The following CNIH3 variants were observed in gnomAD, a reference collection of about 807,000 sequenced individuals.
CNIH3 encodes protein cornichon homolog 3.
Under a neutral mutation model 24.1 loss-of-function variants are expected in CNIH3, and 14 were observed. The ratio of observed to expected loss-of-function variants is 0.58; its 90% CI spans 0.38 to 0.91. The LOEUF is 0.91. Ranked by LOEUF, CNIH3 falls within the 40% of genes least tolerant of loss-of-function variation. The pLI is 0.00. For missense variants in CNIH3, 178 were observed against 196.8 expected (o/e 0.90, Z 0.57); for synonymous variants, 68 against 73.8 (o/e 0.92, Z 0.40).
At chr1:224,672,632 T>C (rs1353957018) in intron 1 of CNIH3, among the ~76,000 whole-genome samples, 2 of 152,192 alleles carry the variant, frequency 1.3e-5, no homozygotes, top group African/African-American at 4.8e-5. Flanking sequence ...CACATGGCCT[T>C]CACTGTGTGG....
intron 1 of CNIH3, among the ~76,000 whole-genome samples, chr1:224,475,000 G>A (rs1232179334): frequency 2.7e-5 from 4 of 147,988 alleles, no homozygotes; most frequent in Non-Finnish European, 5.9e-5. Context: ...AGTCGAGATC[G>A]TGCCACTGCA....
chr1:224,543,808 T>C (rs186050834), intron 2 of CNIH3, among the ~76,000 whole-genome samples: 62 of 152,260 alleles, frequency 4.1e-4, no homozygotes, highest in Non-Finnish European at 7.9e-4. Flanking sequence ...TCCATTTCAG[T>C]GCTTTGCACT....
At chr1:224,626,346 ACT>A (rs1472283266) in intron 1 of CNIH3, among the ~76,000 whole-genome samples, 7 of 152,044 alleles carry the variant, frequency 4.6e-5, no homozygotes, top group Non-Finnish European at 1.0e-4. Context: ...GTCACTGAAA[ACT>A]CTAAATGCAC....
chr1:224,737,017 C>T (rs1689625415), intron 5 of CNIH3, among the ~76,000 whole-genome samples: 1 of 152,194 alleles, frequency 6.6e-6, no homozygotes, highest in African/African-American at 2.4e-5. Context: ...ACTGTCTCTC[C>T]TCTAAGCCAA....
At chr1:224,544,098 GC>G (rs1679612195) in intron 2 of CNIH3, among the ~76,000 whole-genome samples, 1 of 152,130 alleles carries the variant, frequency 6.6e-6, no homozygotes, top group African/African-American at 2.4e-5. Context: ...TGTTATCAAA[GC>G]TTTTTGGCTC....
chr1:224,475,264 G>A (rs1268373356), intron 1 of CNIH3, among the ~76,000 whole-genome samples: 10 of 150,784 alleles, frequency 6.6e-5, no homozygotes, highest in Admixed American at 6.0e-4. Flanking sequence ...GCTGAGGCAG[G>A]AGAAGGGCAT....
At chr1:224,563,638 G>T (rs1340217529) in intron 3 of CNIH3, among the ~76,000 whole-genome samples, 2 of 152,172 alleles carry the variant, frequency 1.3e-5, no homozygotes, top group African/African-American at 4.8e-5. Context: ...CTGTCAGCTA[G>T]CCAGTATTAA....
At chr1:224,533,008 T>C (rs1679134068) in intron 2 of CNIH3, among the ~76,000 whole-genome samples, 1 of 152,168 alleles carries the variant, frequency 6.6e-6, no homozygotes, top group South Asian at 2.1e-4. Flanking sequence ...ATTTATGTAA[T>C]AAATATTATG....
intron 1 of CNIH3, among the ~76,000 whole-genome samples, chr1:224,463,235 G>T (rs1292211522): frequency 1.3e-5 from 2 of 152,132 alleles, no homozygotes; most frequent in Admixed American, 1.3e-4. Context: ...GTTTTACAAA[G>T]TGCTTGTACT....
intron 1 of CNIH3, among the ~76,000 whole-genome samples, chr1:224,625,392 A>G (rs1683470336): frequency 6.6e-6 from 1 of 151,930 alleles, no homozygotes; most frequent in Non-Finnish European, 1.5e-5. Flanking sequence ...TCCTAAAAAT[A>G]AAATAAAAAA....
chr1:224,456,933 C>T (rs1334290855), intron 1 of CNIH3, among the ~76,000 whole-genome samples: 1 of 152,198 alleles, frequency 6.6e-6, no homozygotes, highest in Admixed American at 6.5e-5. Flanking sequence ...TATGTTGGCT[C>T]TACAAGAGCT....
rs1201794354 is a variant in CNIH3 at position 224,437,913 on chromosome 1, C to CT, written n.203+3052dup. Among the ~76,000 whole-genome samples the CT allele has an allele frequency of 3.6e-4, 23 of 63,758 alleles. No homozygotes were observed. In the South Asian group the frequency reaches 0.015, roughly 42 times the overall value. 41.8% of individuals were successfully genotyped at this position (63,758 alleles called of 152,430 possible). ...AAATCACTAGTACTGCCCACGGCAACTATTTTTTTTTTTTTTGGAGACAGA... is the reference window on the plus strand; with the variant it reads ...AAATCACTAGTACTGCCCACGGCAACTTATTTTTTTTTTTTTTGGAGACAGA... On this transcript the variant is annotated intron_variant and non_coding_transcript_variant, in intron 1 of 5. Coordinates refer to the CNIH3 transcript ENST00000471578.
chr1:224,674,567 C>T (rs1384509975), intron 1 of CNIH3, among the ~76,000 whole-genome samples: 13 of 152,084 alleles, frequency 8.5e-5, no homozygotes, highest in East Asian at 5.8e-4. Context: ...GGTGAGGCTC[C>T]GCGCAGTGAG....
At chr1:224,658,780 T>C (rs886922252) in intron 1 of CNIH3, among the ~76,000 whole-genome samples, 3 of 152,018 alleles carry the variant, frequency 2.0e-5, no homozygotes, top group Non-Finnish European at 2.9e-5. Flanking sequence ...TTATCTCTTA[T>C]TAATATTACA....
chr1:224,676,873 TG>T (rs1394309237), intron 1 of CNIH3, among the ~76,000 whole-genome samples: 2 of 152,176 alleles, frequency 1.3e-5, no homozygotes, highest in African/African-American at 2.4e-5. Context: ...TAGTGCTAAG[TG>T]GGGGGTAGCC....
At position 224,578,972 on chromosome 1, in the gene CNIH3, C is replaced by T. The variant is rs144378880; in HGVS notation, n.517-4192C>T. On this transcript the variant is annotated intron_variant and non_coding_transcript_variant, in intron 4 of 5. Coordinates refer to the CNIH3 transcript ENST00000471578. ...AGGGATATCTCAATTATTTCTTTGT[C>T]GATGTCTTGTTTTTCATGTAGAGAG... Among the ~76,000 whole-genome samples, 196 of 151,788 alleles carry T rather than the reference C, an allele frequency of 1.3e-3. 1 individual carries two copies. Among genetic ancestry groups the T allele is most frequent in the African/African-American group, 4.3e-3 (178 of 41,368 alleles).
intron 3 of CNIH3, among the ~76,000 whole-genome samples, chr1:224,553,750 T>C (rs552585187): frequency 2.5e-4 from 38 of 151,982 alleles, no homozygotes; most frequent in South Asian, 2.1e-3. Context: ...TTCTTTCTTT[T>C]TTTTTTTTAA....
chr1:224,482,306 G>C (rs534913602), intron 1 of CNIH3, among the ~76,000 whole-genome samples: 1 of 152,014 alleles, frequency 6.6e-6, no homozygotes, highest in Non-Finnish European at 1.5e-5. Context: ...CAAGCAGAAG[G>C]GTTCTCTCCT....
chr1:224,475,055 G>GA lies in CNIH3; in HGVS notation n.203+40205dup, dbSNP rs58756292. ...AGGAGACTCCATCTCAAAAAAAAAAGAAAAAAAAAAAAGAAAATCAGAGGC... is the reference window on the plus strand; with the variant it reads ...AGGAGACTCCATCTCAAAAAAAAAAGAAAAAAAAAAAAAGAAAATCAGAGGC... On this transcript the variant is annotated intron_variant and non_coding_transcript_variant, in intron 1 of 5. Transcript: ENST00000471578. 2.8e-3 allele frequency among the ~76,000 whole-genome samples: 269 copies of GA among 95,572 alleles called. 1 individual carries two copies. Among genetic ancestry groups the GA allele is most frequent in the Admixed American group, 6.7e-3 (61 of 9,096 alleles). 62.7% of individuals were successfully genotyped at this position (95,572 alleles called of 152,430 possible).
Sources: allele counts gnomAD v4.1 joint callset (sites outside exome capture counted in the v4.1 genomes callset), GRCh38; gene constraint gnomAD v4.1.1; transcripts MANE v1.5; gene names NCBI Gene and HGNC (gene_info 2026-07-23, HGNC 2026-07-21).